SUMF1: variants seen among roughly 807,000 people sequenced by gnomAD.
SUMF1 encodes the protein sulfatase modifying factor 1.
Under a neutral mutation model 47.6 loss-of-function variants are expected in SUMF1, and 48 were observed. The ratio of observed to expected loss-of-function variants is 1.01; its 90% CI spans 0.80 to 1.28. The LOEUF (loss-of-function observed/expected upper bound fraction) is 1.28. Ranked by LOEUF, SUMF1 falls within the 50% of genes most tolerant of loss-of-function variation. SUMF1 has a pLI of 0.00. For synonymous variants in SUMF1, 230 were observed against 192.1 expected (o/e 1.20, Z -1.63); for missense variants, 571 against 485.4 (o/e 1.18, Z -1.66).
chr3:4,366,660 A>C (rs1449835253), intron 8 of SUMF1, among the ~76,000 whole-genome samples: 1 of 151,994 alleles, frequency 6.6e-6, no homozygotes, highest in Non-Finnish European at 1.5e-5. Context: ...CTTTGGTTTG[A>C]ATTTCCTCCT....
At chr3:4,333,820 A>AC (rs1699094746) in intron 8 of SUMF1, among the ~76,000 whole-genome samples, 1 of 148,356 alleles carries the variant, frequency 6.7e-6, no homozygotes, top group Admixed American at 6.7e-5. Context: ...TAAGCACATA[A>AC]TTTTTTTTTT....
At chr3:4,048,735 T>C (rs571080125) in intron 9 of SUMF1, among the ~76,000 whole-genome samples, 1 of 152,330 alleles carries the variant, frequency 6.6e-6, no homozygotes, top group East Asian at 1.9e-4. Flanking sequence ...CTTATACAAG[T>C]ATATTTGAAT....
At chr3:4,151,627 T>C (rs1322950301) in intron 8 of SUMF1, among the ~76,000 whole-genome samples, 1 of 148,316 alleles carries the variant, frequency 6.7e-6, no homozygotes, top group Non-Finnish European at 1.5e-5. Flanking sequence ...AACTTTTGGC[T>C]TCCCTGGACC....
chr3:4,266,876 C>G (rs1321754377), intron 8 of SUMF1, among the ~76,000 whole-genome samples: 1 of 148,768 alleles, frequency 6.7e-6, no homozygotes, highest in African/African-American at 2.5e-5. Context: ...ATAGATAGCT[C>G]TTATTATTTT....
intron 8 of SUMF1, among the ~76,000 whole-genome samples, chr3:4,253,496 G>T (rs549268716): frequency 6.6e-6 from 1 of 152,176 alleles, no homozygotes; most frequent in African/African-American, 2.4e-5. Context: ...AAAGAAAGGG[G>T]TGACGGACGC....
intron 8 of SUMF1, among the ~76,000 whole-genome samples, chr3:4,335,830 G>A (rs1469073535): frequency 6.6e-6 from 1 of 151,716 alleles, no homozygotes; most frequent in African/African-American, 2.4e-5. Context: ...TGTGGTGGCG[G>A]GCACATGTAA....
chr3:4,290,091 T>A (rs1697710402), intron 8 of SUMF1, among the ~76,000 whole-genome samples: 1 of 152,178 alleles, frequency 6.6e-6, no homozygotes. Context: ...TTATGCTGGG[T>A]TGGTTTTTTA....
At chr3:4,339,427 G>C (rs1243146354) in intron 8 of SUMF1, among the ~76,000 whole-genome samples, 1 of 152,204 alleles carries the variant, frequency 6.6e-6, no homozygotes, top group Non-Finnish European at 1.5e-5. Context: ...GGCAAAGGAG[G>C]AGTTGGGCTG....
At chr3:4,217,845 T>C (rs1695970237) in intron 8 of SUMF1, among the ~76,000 whole-genome samples, 2 of 147,338 alleles carry the variant, frequency 1.4e-5, no homozygotes, top group South Asian at 2.2e-4. Flanking sequence ...GTATACCAGC[T>C]GAGAAACAAT....
At chr3:4,412,314 G>A (rs943337002) in intron 6 of SUMF1, among the ~76,000 whole-genome samples, 2 of 152,192 alleles carry the variant, frequency 1.3e-5, no homozygotes, top group Non-Finnish European at 2.9e-5. Flanking sequence ...TAGGGTAAGA[G>A]AGGGAAATAA....
intron 8 of SUMF1, among the ~76,000 whole-genome samples, chr3:4,264,781 G>C (rs555434497): frequency 3.3e-5 from 5 of 152,104 alleles, no homozygotes; most frequent in Non-Finnish European, 7.4e-5. Context: ...CCTAATATCA[G>C]ACATTGTTAA....
chr3:4,365,817 G>A (rs544845337), intron 8 of SUMF1, among the ~76,000 whole-genome samples: 1 of 151,802 alleles, frequency 6.6e-6, no homozygotes, highest in Non-Finnish European at 1.5e-5. Flanking sequence ...AGTCTCGATG[G>A]TCTTTACAAT....
intron 8 of SUMF1, among the ~76,000 whole-genome samples, chr3:4,311,249 C>T (rs1182430870): frequency 1.3e-4 from 19 of 151,966 alleles, no homozygotes; most frequent in Non-Finnish European, 2.8e-4. Context: ...CATAGCTCCA[C>T]CCGAGGCCTC....
At chr3:4,418,658 T>C (rs1359341820) in intron 4 of SUMF1, among the ~76,000 whole-genome samples, 2 of 152,366 alleles carry the variant, frequency 1.3e-5, no homozygotes, top group African/African-American at 4.8e-5. Context: ...TGCCCAGTCC[T>C]GCTCTGGCCC....
At chr3:4,374,980 T>C (rs779908893) in intron 8 of SUMF1, among the ~76,000 whole-genome samples, 7 of 151,798 alleles carry the variant, frequency 4.6e-5, no homozygotes, top group African/African-American at 7.3e-5. Context: ...CTAGGCAACA[T>C]GGCAAGACCC....
intron 8 of SUMF1, among the ~76,000 whole-genome samples, chr3:4,274,367 A>C (rs1417417803): frequency 6.6e-6 from 1 of 152,170 alleles, no homozygotes; most frequent in Non-Finnish European, 1.5e-5. Flanking sequence ...TAGGTATCTA[A>C]GCTCTACTGA....
At chr3:4,094,684 G>GGGGT (rs1692863452) in intron 8 of SUMF1, among the ~76,000 whole-genome samples, 1 of 152,090 alleles carries the variant, frequency 6.6e-6, no homozygotes, top group African/African-American at 2.4e-5. Flanking sequence ...TTATGGTGAA[G>GGGGT]GGGTGCCAGC....
chr3:4,207,224 T>C (rs753462701), intron 8 of SUMF1, among the ~76,000 whole-genome samples: 8 of 152,212 alleles, frequency 5.3e-5, no homozygotes, highest in Non-Finnish European at 7.4e-5. Flanking sequence ...AACTTGCTTA[T>C]TAAGGCAGAT....
At chr3:4,180,546 G>C (rs1695071327) in intron 8 of SUMF1, among the ~76,000 whole-genome samples, 2 of 152,148 alleles carry the variant, frequency 1.3e-5, no homozygotes, top group African/African-American at 4.8e-5. Context: ...CCTGTCATGG[G>C]GTGGGGGGCT....
Sources: gnomAD v4.1 joint callset for allele counts (sites outside exome capture counted in the v4.1 genomes callset) on GRCh38, gnomAD v4.1.1 for gene constraint, MANE v1.5 for transcripts, NCBI Gene and HGNC (gene_info 2026-07-23, HGNC 2026-07-21) for gene names.